Variants in PRKG1 observed in about 807,000 individuals in gnomAD.
PRKG1 encodes the protein cGMP-dependent protein kinase 1.
Under a neutral mutation model 88.1 loss-of-function variants are expected in PRKG1, and 35 were observed. That is an observed-to-expected ratio of 0.40 (90% CI 0.30 to 0.53). PRKG1 has a LOEUF of 0.53. PRKG1 is among the 20% of genes least tolerant of loss of function. The pLI is 0.59. For synonymous variants in PRKG1, 303 were observed against 292.5 expected, an observed-to-expected ratio of 1.04 and a Z score of -0.37; for missense variants, 540 against 839.8, an observed-to-expected ratio of 0.64 and a Z score of 4.41.
At chr10:51,309,767 T>A (rs1353443192) in intron 2 of PRKG1, among the ~76,000 whole-genome samples, 2 of 152,020 alleles carry the variant, frequency 1.3e-5, no homozygotes, top group African/African-American at 4.8e-5. Flanking sequence ...GAAAAAAAAA[T>A]TGTTATATCA....
chr10:51,481,951 T>C (rs979700998), intron 3 of PRKG1, among the ~76,000 whole-genome samples: 2 of 152,206 alleles, frequency 1.3e-5, no homozygotes, highest in Admixed American at 1.3e-4. Flanking sequence ...TGATAATTTT[T>C]TTTTAGTTCA....
At chr10:51,157,204 G>T (rs9415735) in intron 2 of PRKG1, among the ~76,000 whole-genome samples, 9,937 of 151,882 alleles carry the variant, frequency 0.065, 694 homozygotes, top group African/African-American at 0.17. Flanking sequence ...GTAGTATGCA[G>T]ACATTATCAT....
chr10:52,091,681 G>C (rs1188418483), intron 7 of PRKG1, among the ~76,000 whole-genome samples: 1 of 152,178 alleles, frequency 6.6e-6, no homozygotes, highest in Admixed American at 6.5e-5. Context: ...GTCTTGGGTT[G>C]CGTCAGATTT....
At chr10:52,107,494 G>A (rs1847454409) in intron 7 of PRKG1, among the ~76,000 whole-genome samples, 1 of 152,140 alleles carries the variant, frequency 6.6e-6, no homozygotes, top group African/African-American at 2.4e-5. Context: ...AGTCATTTGG[G>A]AAACTTTGTT....
chr10:51,686,320 C>T (rs552892490), intron 3 of PRKG1, among the ~76,000 whole-genome samples: 1 of 152,192 alleles, frequency 6.6e-6, no homozygotes, highest in East Asian at 1.9e-4. Context: ...CAAGTAGGCC[C>T]CAGTGCCTGT....
intron 1 of PRKG1, among the ~76,000 whole-genome samples, chr10:51,078,158 G>A (rs753183169): frequency 3.3e-5 from 5 of 152,076 alleles, no homozygotes; most frequent in Non-Finnish European, 5.9e-5. Flanking sequence ...AGTGGTTAGT[G>A]TCTTTGTATT....
intron 5 of PRKG1, among the ~76,000 whole-genome samples, chr10:51,956,106 C>G (rs1210778328): frequency 6.6e-6 from 1 of 152,090 alleles, no homozygotes; most frequent in Non-Finnish European, 1.5e-5. Flanking sequence ...GATATGATTT[C>G]TGTGATGTAG....
chr10:51,102,323 C>T (rs1048109895), intron 1 of PRKG1, among the ~76,000 whole-genome samples: 1 of 152,090 alleles, frequency 6.6e-6, no homozygotes, highest in Non-Finnish European at 1.5e-5. Flanking sequence ...ACAACCTGCT[C>T]TTGTGAGCTG....
At chr10:51,670,705 C>T (rs1222238373) in intron 3 of PRKG1, among the ~76,000 whole-genome samples, 1 of 147,396 alleles carries the variant, frequency 6.8e-6, no homozygotes, top group African/African-American at 2.5e-5. Context: ...CACTGCACTC[C>T]AGCCTGGGCG....
At chr10:52,000,261 T>C (rs1440340197) in intron 5 of PRKG1, among the ~76,000 whole-genome samples, 2 of 152,064 alleles carry the variant, frequency 1.3e-5, no homozygotes, top group African/African-American at 4.8e-5. Context: ...AAAAGGAAAC[T>C]GCATTATTGT....
chr10:51,172,656 CTATCTATCTATCTATCT>C (rs1837073720), intron 2 of PRKG1, among the ~76,000 whole-genome samples: 1 of 43,758 alleles, frequency 2.3e-5, no homozygotes, highest in Non-Finnish European at 6.2e-5. Flanking sequence ...ATGTATCTAT[CTATCTATCTATCTATCT>C]ATCTATCTAT....
At chr10:51,799,083 T>A in intron 3 of PRKG1, among the ~76,000 whole-genome samples, 1 of 151,980 alleles carries the variant, frequency 6.6e-6, no homozygotes, top group East Asian at 1.9e-4. Flanking sequence ...AGCTGCTAAC[T>A]AATCTCTGTC....
At chr10:51,671,508 G>A (rs1240498025) in intron 3 of PRKG1, among the ~76,000 whole-genome samples, 6 of 151,582 alleles carry the variant, frequency 4.0e-5, no homozygotes, top group South Asian at 2.1e-4. Context: ...GCATCACTTC[G>A]GTATCTGCCT....
At chr10:51,485,353 A>G (rs1840500799) in intron 3 of PRKG1, among the ~76,000 whole-genome samples, 1 of 152,142 alleles carries the variant, frequency 6.6e-6, no homozygotes, top group Non-Finnish European at 1.5e-5. Context: ...CAAGGTTCCT[A>G]CCTTGAACAT....
chr10:51,092,285 A>T (rs1418113783), intron 1 of PRKG1, among the ~76,000 whole-genome samples: 1 of 152,214 alleles, frequency 6.6e-6, no homozygotes, highest in Non-Finnish European at 1.5e-5. Flanking sequence ...GAGAAATTTC[A>T]GTTCTTTAGA....
intron 4 of PRKG1, among the ~76,000 whole-genome samples, chr10:51,873,128 A>T (rs1841202450): frequency 6.6e-6 from 1 of 152,152 alleles, no homozygotes. Flanking sequence ...ACTTGAAGAG[A>T]TCCAGTCCTT....
chr10:51,503,393 A>T (rs1008182919), intron 3 of PRKG1, among the ~76,000 whole-genome samples: 3 of 152,186 alleles, frequency 2.0e-5, no homozygotes, highest in Admixed American at 6.6e-5. Context: ...TTCAAAGAAA[A>T]CCCCATTGAA....
At chr10:51,060,482 T>C (rs1843680538) in intron 1 of PRKG1, among the ~76,000 whole-genome samples, 1 of 152,144 alleles carries the variant, frequency 6.6e-6, no homozygotes, top group African/African-American at 2.4e-5. Flanking sequence ...TTTAAGTGGT[T>C]ACTCTAGAGA....
At chr10:51,677,402 G>A (rs1307605563) in intron 3 of PRKG1, among the ~76,000 whole-genome samples, 2 of 152,160 alleles carry the variant, frequency 1.3e-5, no homozygotes, top group East Asian at 1.9e-4. Flanking sequence ...AAGTGGAAGT[G>A]ACTTGAGACA....
Sources: gnomAD v4.1 joint callset for allele counts (sites outside exome capture counted in the v4.1 genomes callset) on GRCh38, gnomAD v4.1.1 for gene constraint, MANE v1.5 for transcripts, NCBI Gene and HGNC (gene_info 2026-07-23, HGNC 2026-07-21) for gene names.